The following MAMDC2 variants were observed in gnomAD, a reference collection of about 807,000 sequenced individuals.
The protein encoded by MAMDC2 is MAM domain-containing protein 2.
MAMDC2 carries 57 observed loss-of-function variants against 89.8 expected under a neutral mutation model. That is an observed-to-expected ratio of 0.63 (90% confidence interval 0.51 to 0.79). The LOEUF (loss-of-function observed/expected upper bound fraction) is 0.79. Ranked by LOEUF, MAMDC2 falls within the 30% of genes least tolerant of loss-of-function variation. The probability of loss-of-function intolerance (pLI) is 0.00; values close to 1 mark genes in which losing one functional copy is unlikely to be tolerated. For missense variants in MAMDC2, 800 were observed against 820.6 expected, an observed-to-expected ratio of 0.97 and a Z score of 0.31; for synonymous variants, 313 against 293.4, an observed-to-expected ratio of 1.07 and a Z score of -0.68.
intron 8 of MAMDC2, among the ~76,000 whole-genome samples, chr9:70,141,267 C>A (rs1174507659): frequency 6.6e-6 from 1 of 152,154 alleles, no homozygotes; most frequent in Non-Finnish European, 1.5e-5. Flanking sequence ...TCTAGAGAAC[C>A]ATTTGAATTC....
rs1304857747 is a variant in MAMDC2 at position 70,198,154 on chromosome 9, A to ATG, written c.1652-20177_1652-20176dup. Among the ~76,000 whole-genome samples the ATG allele has an allele frequency of 1.9e-4, 18 of 95,482 alleles. No individual in the cohort carries two copies. In the South Asian group the frequency reaches 3.1e-3, roughly 17 times the overall value. The allele number at this position is 95,482 out of a possible 152,430, so 62.6% of individuals were successfully genotyped here. On this transcript the variant is annotated intron_variant, in intron 11 of 13. Transcript: ENST00000377182. ...TAGTATAGAAAAAAGCATAGTGTGT[A>ATG]TGTGTGTATATATATATATATATAT...
At chr9:70,165,398 A>C (rs916769158) in intron 9 of MAMDC2, among the ~76,000 whole-genome samples, 1 of 152,212 alleles carries the variant, frequency 6.6e-6, no homozygotes, top group African/African-American at 2.4e-5. Context: ...TGTTAGATCA[A>C]ACAAGCTGAT....
chr9:70,123,077 T>C (rs574761919), intron 5 of MAMDC2, among the ~76,000 whole-genome samples: 1 of 152,330 alleles, frequency 6.6e-6, no homozygotes, highest in East Asian at 1.9e-4. Flanking sequence ...CTGTGGCCCC[T>C]GCAATTAGGT....
Position 70,114,607 on chromosome 9 carries a change from G to A in MAMDC2, c.643+1475G>A, listed in dbSNP as rs140520712. 2.0e-3 allele frequency among the ~76,000 whole-genome samples: 312 copies of A among 152,210 alleles called. 1 individual carries two copies. The highest frequency in any genetic ancestry group is 6.8e-3 in the Middle Eastern group (2 of 294). On this transcript the variant is annotated intron_variant, in intron 5 of 13. Transcript: ENST00000377182. The stretch of plus-strand genomic sequence containing the variant: ...AGTAACCACAAATAAAAAGACTGGA[G>A]TCTCATGGAGTTGCCTGTTTAAAAC...
chr9:70,053,170 A>G (rs1428186745), intron 2 of MAMDC2, among the ~76,000 whole-genome samples: 1 of 152,244 alleles, frequency 6.6e-6, no homozygotes, highest in African/African-American at 2.4e-5. Flanking sequence ...AGAAGTTCTT[A>G]TATATGGTTA....
chr9:70,188,369 T>G (rs1212551506), intron 11 of MAMDC2, among the ~76,000 whole-genome samples: 3 of 152,204 alleles, frequency 2.0e-5, no homozygotes, highest in Non-Finnish European at 4.4e-5. Flanking sequence ...GTTTTCTGTA[T>G]GTATTACATC....
At chr9:70,164,136 T>C (rs531374154) in intron 9 of MAMDC2, among the ~76,000 whole-genome samples, 1 of 152,186 alleles carries the variant, frequency 6.6e-6, no homozygotes, top group South Asian at 2.1e-4. Flanking sequence ...AGTTTTTGAT[T>C]GTCACGACTT....
chr9:70,150,581 A>G (rs2031550838), intron 9 of MAMDC2, among the ~76,000 whole-genome samples: 1 of 152,192 alleles, frequency 6.6e-6, no homozygotes, highest in African/African-American at 2.4e-5. Context: ...TTCAGTCCTT[A>G]ATACGCTACA....
Position 70,202,027 on chromosome 9 carries a change from G to T in MAMDC2, c.1652-16310G>T, listed in dbSNP as rs1282506295. ...CAGCTCCTGGATTCATAGATTTTTT[G>T]AAGGGTTTTTTGTGTCTCTATTTCC... On this transcript the variant is annotated intron_variant, in intron 11 of 13. Coordinates refer to ENST00000377182, the MANE Select transcript of MAMDC2 (RefSeq NM_153267.5). Among the ~76,000 whole-genome samples, 12 of 151,738 alleles carry T rather than the reference G, an allele frequency of 7.9e-5. 1 individual carries two copies. The highest frequency in any genetic ancestry group is 2.7e-4 in the African/African-American group (11 of 41,372).
chr9:70,214,669 T>C (rs1006808341), intron 11 of MAMDC2, among the ~76,000 whole-genome samples: 1 of 152,190 alleles, frequency 6.6e-6, no homozygotes, highest in African/African-American at 2.4e-5. Context: ...TGGGAAGCTG[T>C]TGCATTAATC....
Position 70,168,774 on chromosome 9 carries a change from T to C in MAMDC2, c.1477T>C (p.Leu493=), listed in dbSNP as rs375454588. The change falls in exon 10 of 14, where the codon TTG becomes CTG. Residue 493 remains leucine, a synonymous_variant. Coordinates refer to ENST00000377182, the MANE Select transcript of MAMDC2 (RefSeq NM_153267.5). ...LVALDDITIQ[L]GSCSSSEKLP... The stretch of plus-strand genomic sequence containing the variant: ...AGCCCTGGATGACATTACAATACAA[T>C]TGGGAAGCTGCTCATCTTCAGGTAA... The C allele has an allele frequency of 6.8e-6, 11 of 1,613,878 alleles. No homozygotes were observed. In the African/African-American group the frequency reaches 1.3e-4, roughly 20 times the overall value.
Position 70,126,171 on chromosome 9 carries a change from A to G in MAMDC2, c.656A>G (p.Tyr219Cys). The G allele has an allele frequency of 6.2e-7, 1 of 1,612,382 alleles. No homozygotes were observed. The highest frequency in any genetic ancestry group is 8.5e-7 in the Non-Finnish European group (1 of 1,179,464). The change falls in exon 6 of 14, where the codon TAC becomes TGC. Residue 219 changes from tyrosine (Y) to cysteine (C), a missense_variant. Tyr to Cys is a radical substitution (Grantham distance 194, BLOSUM62 -2). Coordinates refer to ENST00000377182, the MANE Select transcript of MAMDC2 (RefSeq NM_153267.5). ...GTGTGATTTTCAGGCCACTACATGT[A>G]CGTGGACTCAGTTTATGTGAAGCAC... ...TFKSELGHYM[Y>C]VDSVYVKHFQ...
intron 2 of MAMDC2, among the ~76,000 whole-genome samples, chr9:70,101,757 T>A (rs151223355): frequency 6.6e-5 from 10 of 152,356 alleles, no homozygotes; most frequent in African/African-American, 2.4e-4. Context: ...CACCCAATGA[T>A]GATTTCTCAG....
chr9:70,127,934 C>G (rs949255307), intron 6 of MAMDC2, among the ~76,000 whole-genome samples: 1 of 152,160 alleles, frequency 6.6e-6, no homozygotes, highest in East Asian at 1.9e-4. Flanking sequence ...CAACCATAAA[C>G]TCCTTGGGCA....
At position 70,114,539 on chromosome 9, in the gene MAMDC2, T is replaced by G. The variant is rs542656984; in HGVS notation, c.643+1407T>G. 7.3e-4 allele frequency among the ~76,000 whole-genome samples: 111 copies of G among 152,264 alleles called. 1 individual carries two copies. The South Asian group carries it at 0.022, about 31-fold the overall frequency. On this transcript the variant is annotated intron_variant, in intron 5 of 13. Transcript: ENST00000377182. Reference sequence around the variant, plus strand: ...TTTTGCAACCTTCATTTGACAAGTTTCTTTTACAATACATTCAGGCTTCTT... The same window carrying G: ...TTTTGCAACCTTCATTTGACAAGTTGCTTTTACAATACATTCAGGCTTCTT...
chr9:70,079,164 T>C (rs1010940537), intron 2 of MAMDC2: 59 of 152,152 alleles, frequency 3.9e-4, no homozygotes, highest in African/African-American at 1.4e-3. Context: ...TGCACACTCA[T>C]TGGTAATAAA....
chr9:70,058,651 G>C (rs1827079750), intron 2 of MAMDC2, among the ~76,000 whole-genome samples: 1 of 149,224 alleles, frequency 6.7e-6, no homozygotes, highest in Admixed American at 6.8e-5. Context: ...CAGATTTCCT[G>C]GCTCCTGCCT....
chr9:70,215,937 A>C (rs576699579), intron 11 of MAMDC2, among the ~76,000 whole-genome samples: 3 of 152,314 alleles, frequency 2.0e-5, no homozygotes, highest in Admixed American at 2.0e-4. Context: ...AAATAAGAAA[A>C]AGAGAATGGA....
At chr9:70,119,468 G>A (rs904785789) in intron 5 of MAMDC2, among the ~76,000 whole-genome samples, 17 of 152,124 alleles carry the variant, frequency 1.1e-4, no homozygotes, top group Admixed American at 3.3e-4. Context: ...CATTTGGTGC[G>A]TGGTGTAAGT....
Sources: allele counts gnomAD v4.1 joint callset (sites outside exome capture counted in the v4.1 genomes callset), GRCh38; gene constraint gnomAD v4.1.1; transcripts MANE v1.5; gene names NCBI Gene and HGNC (gene_info 2026-07-23, HGNC 2026-07-21).